Variants in CEACAM8 observed in about 807,000 individuals in gnomAD.
The protein encoded by CEACAM8 is cell adhesion molecule CEACAM8.
CEACAM8 carries 31 observed loss-of-function variants against 33.4 expected under a neutral mutation model. The observed-to-expected ratio is 0.93, with a 90% confidence interval of 0.70 to 1.25. The LOEUF (loss-of-function observed/expected upper bound fraction) is 1.25, where lower values mean the gene tolerates loss of function less well. CEACAM8 is among the 50% of genes most tolerant of loss of function. The pLI is 0.00. For synonymous variants in CEACAM8, 138 were observed against 164.5 expected, an observed-to-expected ratio of 0.84 and a Z score of 1.23; for missense variants, 388 against 434.6, an observed-to-expected ratio of 0.89 and a Z score of 0.95.
intron 2 of CEACAM8, among the ~76,000 whole-genome samples, chr19:42,590,625 G>C (rs1335670802): frequency 6.6e-6 from 1 of 152,152 alleles, no homozygotes; most frequent in Non-Finnish European, 1.5e-5. Flanking sequence ...TTGGGAAGAA[G>C]TTTTGCAAAT....
chr19:42,583,431 A>G, intron 4 of CEACAM8, 94 bp from the exon 5 acceptor site: 1 of 782,906 alleles, frequency 1.3e-6, no homozygotes, highest in Non-Finnish European at 2.2e-6. Flanking sequence ...AGTAGTCTCT[A>G]CTTGTTTTTT....
intron 1 of CEACAM8, among the ~76,000 whole-genome samples, chr19:42,594,319 G>A (rs1167407733): frequency 2.6e-5 from 4 of 151,912 alleles, no homozygotes; most frequent in Admixed American, 6.6e-5. Flanking sequence ...GTGAGGGCAG[G>A]GACTTGTGTG....
chr19:42,583,099 G>C, intron 5 of CEACAM8, 107 bp downstream of exon 5: 1 of 650,284 alleles, frequency 1.5e-6, no homozygotes, highest in Non-Finnish European at 2.8e-6. Flanking sequence ...CTGAGAAGCA[G>C]GAGTTTATTG....
chr19:42,590,297 G>A (rs898449761), intron 2 of CEACAM8, among the ~76,000 whole-genome samples: 2 of 152,186 alleles, frequency 1.3e-5, no homozygotes, highest in Admixed American at 6.5e-5. Flanking sequence ...CACAAGGTGG[G>A]GCAGTTTTTC....
rs1471769627 is a variant in CEACAM8, at chr19:42,580,550, CA to C, written c.*843del. On this transcript the variant is annotated 3_prime_UTR_variant, in exon 6 of 6. Transcript: ENST00000244336. ...ATAACCAATGTTTTAAACTATATCC[CA>C]TTATAAAGACAGCAGATTCTCACTG... 2 of 152,200 alleles carry C rather than the reference CA, an allele frequency of 1.3e-5. No individual in the cohort carries two copies. The highest frequency in any genetic ancestry group is 4.8e-5 in the African/African-American group (2 of 41,442). The allele number at this position is 152,200 out of a possible 1,614,324, so 9.4% of individuals were successfully genotyped here.
chr19:42,588,702 A>C, intron 4 of CEACAM8, 82 bp downstream of exon 4: 1 of 1,533,616 alleles, frequency 6.5e-7, no homozygotes, highest in Admixed American at 1.7e-5. Context: ...GCTGGGAATA[A>C]AACTTTTTTT....
intron 4 of CEACAM8, among the ~76,000 whole-genome samples, chr19:42,586,191 A>C (rs2042334178): frequency 6.6e-6 from 1 of 152,226 alleles, no homozygotes; most frequent in African/African-American, 2.4e-5. Context: ...GATTCAACAC[A>C]ATTTCTATCA....
rs929281282 is a variant in CEACAM8, at chr19:42,589,654, G to C, written c.506C>G (p.Pro169Arg). 6.2e-7 allele frequency: 1 copy of C among 1,614,238 alleles called. No individual in the cohort carries two copies. The highest frequency in any genetic ancestry group is 8.5e-7 in the Non-Finnish European group (1 of 1,180,038). Reference protein sequence around the residue: ...DKDAVAFTCEPETQNTTYLWW... With the variant: ...DKDAVAFTCERETQNTTYLWW... ...CAGGTAGGTTGTGTTCTGAGTCTCA[G>C]GTTCACAGGTGAAGGCCACAGCATC... Residue 169 changes from proline (P) to arginine (R), a missense_variant, in exon 3 of 6, where the codon CCT becomes CGT. Physicochemically the swap from Pro to Arg is moderately radical, Grantham distance 103. Transcript: ENST00000244336.
chr19:42,592,843 T>A (rs562915275), intron 2 of CEACAM8, among the ~76,000 whole-genome samples: 1 of 152,320 alleles, frequency 6.6e-6, no homozygotes, highest in East Asian at 1.9e-4. Flanking sequence ...CTTCTATTTC[T>A]GTCCCTGGGG....
chr19:42,594,058 C>T (rs2042499575), intron 1 of CEACAM8, among the ~76,000 whole-genome samples, 158 bp from the exon 2 acceptor site: 1 of 152,116 alleles, frequency 6.6e-6, no homozygotes. Flanking sequence ...TCTTCAACAC[C>T]TCTGACCTTG....
At chr19:42,592,365 G>A (rs914922104) in intron 2 of CEACAM8, among the ~76,000 whole-genome samples, 3 of 152,094 alleles carry the variant, frequency 2.0e-5, no homozygotes, top group Non-Finnish European at 4.4e-5. Context: ...AGCATTTTGG[G>A]AGGCCGAGGC....
intron 2 of CEACAM8, among the ~76,000 whole-genome samples, chr19:42,593,259 T>TG (rs996409471): frequency 4.1e-4 from 62 of 152,268 alleles, no homozygotes; most frequent in African/African-American, 1.4e-3. Flanking sequence ...GTCAGGTCCA[T>TG]GGGGAGGGCA....
At position 42,593,900 on chromosome 19, in the gene CEACAM8, G is replaced by A. The variant is rs1390894223; in HGVS notation, c.65C>T (p.Ala22Val). 1.9e-6 allele frequency: 3 copies of A among 1,577,448 alleles called. No individual in the cohort carries two copies. The South Asian group carries it at 3.5e-5, about 18-fold the overall frequency. Residue 22 changes from alanine to valine, a missense_variant and splice_region_variant, in exon 2 of 6, where the codon GCC becomes GTC. Ala to Val is a moderately conservative substitution (Grantham distance 64, BLOSUM62 0). Coordinates refer to ENST00000244336, the MANE Select transcript of CEACAM8 (RefSeq NM_001816.4). ...RIPWQGLLLT[A>V]SLFTFWNPPT... Reference sequence around the variant, plus strand: ...CGGGTTCCAGAAGGTGAAAAGTGAGGCTAGGAGGGGGAGAGAGCATCAAGC... The same window carrying A: ...CGGGTTCCAGAAGGTGAAAAGTGAGACTAGGAGGGGGAGAGAGCATCAAGC...
At position 42,594,860 on chromosome 19, in the gene CEACAM8, G is replaced by T. The variant is rs1277918920; in HGVS notation, c.-32C>A. The T allele has an allele frequency of 6.3e-7, 1 of 1,596,766 alleles. No homozygotes were observed. The highest frequency in any genetic ancestry group is 2.3e-5 in the East Asian group (1 of 44,420). ...TGCTGCCTGCGTGTTCTCCTCTGTG[G>T]AGATGAGCCTGGGATCCAGAAACTT... is the stretch of plus-strand genomic sequence containing the variant. On this transcript the variant is annotated 5_prime_UTR_variant, in exon 1 of 6. Coordinates refer to ENST00000244336, the MANE Select transcript of CEACAM8 (RefSeq NM_001816.4).
At chr19:42,594,479 T>C (rs535207265) in intron 1 of CEACAM8, among the ~76,000 whole-genome samples, 9 of 152,350 alleles carry the variant, frequency 5.9e-5, no homozygotes, top group Admixed American at 2.0e-4. Flanking sequence ...GGTTATGCTT[T>C]ATTTGAAGTG....
In CEACAM8 at chr19:42,588,849, G is replaced by A. The variant is rs61733015; in HGVS notation, c.893C>T (p.Ala298Val). The change falls in exon 4 of 6, where the codon GCC (alanine) becomes GTC (valine). Residue 298 changes from alanine (A) to valine (V), a missense_variant. Physicochemically the swap from Ala to Val is moderately conservative, Grantham distance 64. Transcript: ENST00000244336. ...AGTGGCTGAGTTAGTGGTGTGGCAG[G>A]CATAGGATCCGCTGTTCTTTGTAGT... ...NITTKNSGSY[A>V]CHTTNSATGR... 961 of 1,614,200 alleles carry A rather than the reference G, an allele frequency of 6.0e-4. 7 individuals are homozygous for A. The Middle Eastern group carries it at 0.014, about 23-fold the overall frequency.
chr19:42,592,175 T>A (rs1197345193), intron 2 of CEACAM8, among the ~76,000 whole-genome samples: 22 of 152,304 alleles, frequency 1.4e-4, no homozygotes, highest in Admixed American at 1.2e-3. Flanking sequence ...CCTGCCTTCT[T>A]GTGGAAGAGA....
At chr19:42,582,974 T>C (rs1302403398) in intron 5 of CEACAM8, 5 of 405,066 alleles carry the variant, frequency 1.2e-5, no homozygotes, top group Non-Finnish European at 2.2e-5. Flanking sequence ...AAGACTTTCA[T>C]AGTGTATTGA....
At chr19:42,594,067 T>C (rs1437919397) in intron 1 of CEACAM8, among the ~76,000 whole-genome samples, 167 bp from the exon 2 acceptor site, 2 of 152,142 alleles carry the variant, frequency 1.3e-5, no homozygotes, top group African/African-American at 4.8e-5. Context: ...CCTCTGACCT[T>C]GGCATTTCCC....
Sources: allele counts gnomAD v4.1 joint callset (sites outside exome capture counted in the v4.1 genomes callset), GRCh38; gene constraint gnomAD v4.1.1; transcripts MANE v1.5; gene names NCBI Gene and HGNC (gene_info 2026-07-23, HGNC 2026-07-21).